Variants in DNAJB8 observed in about 807,000 individuals in gnomAD.
DNAJB8 encodes the protein dnaJ homolog subfamily B member 8.
For missense variants in DNAJB8, 354 were observed against 318.9 expected (o/e 1.11, Z -0.84); for synonymous variants, 127 against 127.1 (o/e 1.00, Z 0.00).
chr3:128,462,695 G>T lies in DNAJB8; in HGVS notation c.551C>A (p.Ser184Ter). The change falls in exon 3 of 3, where the codon TCG becomes TAG. Residue 184 changes from serine to a stop codon, truncating the protein, a stop_gained. Transcript: ENST00000319153. LOFTEE classifies it low-confidence loss of function (END_TRUNC). The part of the protein sequence containing the change: ...SGSSGFKSVM[S>*]STEMINGHKV... ...GTGGCCATTGATCATCTCGGTGGAC[G>T]ACATCACCGACTTGAACCCCGAGCT... 6.2e-7 allele frequency: 1 copy of T among 1,613,684 alleles called. No homozygotes were observed. Among genetic ancestry groups the T allele is most frequent in the African/African-American group, 1.3e-5 (1 of 74,960 alleles).
Position 128,463,521 on chromosome 3 carries a change from G to A in DNAJB8, c.-276C>T. On this transcript the variant is annotated 5_prime_UTR_variant, in exon 3 of 3. Transcript: ENST00000319153. ...AGGCCAGAGTGGGCTGCCCTCCAGAGCTCCTTTTATGACGTCAGCTCCCGG... is the reference window on the plus strand; with the variant it reads ...AGGCCAGAGTGGGCTGCCCTCCAGAACTCCTTTTATGACGTCAGCTCCCGG... 5.8e-6 allele frequency: 2 copies of A among 343,340 alleles called. No individual in the cohort carries two copies. Among genetic ancestry groups the A allele is most frequent in the Non-Finnish European group, 1.1e-5 (2 of 180,230 alleles). The allele number at this position is 343,340 out of a possible 1,614,324, so 21.3% of individuals were successfully genotyped here. A position where few individuals can be genotyped will look rare whatever the true frequency, so the allele number is the denominator to read the frequency against.
chr3:128,463,510 T>G lies in DNAJB8; in HGVS notation c.-265A>C. The G allele has an allele frequency of 2.7e-6, 1 of 369,654 alleles. No individual in the cohort carries two copies. Among genetic ancestry groups the G allele is most frequent in the Non-Finnish European group, 5.1e-6 (1 of 196,500 alleles). The allele number at this position is 369,654 out of a possible 1,614,324, so 22.9% of individuals were successfully genotyped here. On this transcript the variant is annotated 5_prime_UTR_variant, in exon 3 of 3. Transcript: ENST00000319153. ...GCTGTGGGGCCAGGCCAGAGTGGGC[T>G]GCCCTCCAGAGCTCCTTTTATGACG...
Position 128,462,810 on chromosome 3 carries a change from C to T in DNAJB8, c.436G>A (p.Glu146Lys), listed in dbSNP as rs2068476854. The change falls in exon 3 of 3, where the codon GAG (glutamate) becomes AAG (lysine). Residue 146 changes from glutamate to lysine, a missense_variant. Coordinates refer to ENST00000319153, the MANE Select transcript of DNAJB8 (RefSeq NM_153330.6). ...AGFGEFPAFM[E>K]AFSSFNMLGC... ...AGCATGTTGAAGGATGAGAAGGCCT[C>T]CATGAAGGCCGGAAATTCTCCAAAG... is the stretch of plus-strand genomic sequence containing the variant. 2.5e-6 allele frequency: 4 copies of T among 1,614,040 alleles called. No homozygotes were observed. In the African/African-American group the frequency reaches 4.0e-5, roughly 16 times the overall value.
In DNAJB8 at chr3:128,463,207, G is replaced by C. The variant is rs1264128204; in HGVS notation, c.39C>G (p.Ser13Arg). 2 of 1,613,904 alleles carry C rather than the reference G, an allele frequency of 1.2e-6. No homozygotes were observed. The highest frequency in any genetic ancestry group is 1.7e-6 in the Non-Finnish European group (2 of 1,179,958). The change falls in exon 3 of 3, where the codon AGC (serine) becomes AGG (arginine). Residue 13 changes from serine (S) to arginine (R), a missense_variant. By Grantham distance (110) the Ser-to-Arg change is moderately radical. Coordinates refer to ENST00000319153, the MANE Select transcript of DNAJB8 (RefSeq NM_153330.6). ...NYYEVLGVQA[S>R]ASPEDIKKAY... is the part of the protein sequence containing the mutation. ...CTTTCTTGATGTCCTCCGGGGAAGC[G>C]CTGGCCTGCACGCCCAGCACTTCGT...
At position 128,462,867 on chromosome 3, in the gene DNAJB8, C is replaced by T. The variant is rs766457778; in HGVS notation, c.379G>A (p.Gly127Ser). 14 of 1,614,078 alleles carry T rather than the reference C, an allele frequency of 8.7e-6. No homozygotes were observed. The highest frequency in any genetic ancestry group is 1.1e-5 in the Non-Finnish European group (13 of 1,180,036). ...SPFNSDRGGR[G>S]HGLRGAFSAG... ...GAGAAGGCCCCCCTCAGGCCATGGC[C>T]CCGGCCACCACGGTCACTATTGAAT... Residue 127 changes from glycine (G) to serine (S), a missense_variant, in exon 3 of 3, where the codon GGC (glycine) becomes AGC (serine). Physicochemically the swap from Gly to Ser is moderately conservative, Grantham distance 56. Transcript: ENST00000319153.
At position 128,463,978 on chromosome 3, in the gene DNAJB8, TAA is replaced by T. The variant is rs2068492482; in HGVS notation, c.-735_-734del. 6.0e-6 allele frequency: 1 copy of T among 167,040 alleles called. No homozygotes were observed. The highest frequency in any genetic ancestry group is 2.4e-5 in the African/African-American group (1 of 41,428). 10.3% of individuals were successfully genotyped at this position (167,040 alleles called of 1,614,324 possible). On this transcript the variant is annotated 5_prime_UTR_variant, in exon 3 of 3. Coordinates refer to ENST00000319153, the MANE Select transcript of DNAJB8 (RefSeq NM_153330.6). ...GTGGCTGGCACACGAGGGCCGTCGG[TAA>T]ACTCTTGGATGAACCAGGCTCAGAG...
At chr3:128,465,666 G>A (rs1376224926) in intron 1 of DNAJB8, 1 of 152,554 alleles carries the variant, frequency 6.6e-6, no homozygotes, top group East Asian at 1.9e-4. Context: ...TGGTGGAGTT[G>A]ATCATGATGA....
chr3:128,464,046 G>A lies in DNAJB8; in HGVS notation c.-801C>T, dbSNP rs2068493093. The A allele has an allele frequency of 6.0e-6, 1 of 166,560 alleles. No individual in the cohort carries two copies. Among genetic ancestry groups the A allele is most frequent in the Admixed American group, 6.5e-5 (1 of 15,282 alleles). The allele number at this position is 166,560 out of a possible 1,614,324, so 10.3% of individuals were successfully genotyped here. A position where few individuals can be genotyped will look rare whatever the true frequency, so the allele number is the denominator to read the frequency against. Reference sequence around the variant, plus strand: ...GGTCACACAGCGAGTCAGTGAGGGAGGGGATGTGAAACCAGGGCCAAGGCT... The same window carrying A: ...GGTCACACAGCGAGTCAGTGAGGGAAGGGATGTGAAACCAGGGCCAAGGCT... On this transcript the variant is annotated 5_prime_UTR_variant, in exon 3 of 3. Coordinates refer to ENST00000319153, the MANE Select transcript of DNAJB8 (RefSeq NM_153330.6).
In DNAJB8 at chr3:128,463,025, C is replaced by T. The variant is rs748790484; in HGVS notation, c.221G>A (p.Arg74Gln). The change falls in exon 3 of 3, where the codon CGG becomes CAG. Residue 74 changes from arginine (R) to glutamine (Q), a missense_variant. Physicochemically the swap from Arg to Gln is conservative, Grantham distance 43 (BLOSUM62 1). Transcript: ENST00000319153. ...LYDRAGCDSW[R>Q]AGGGASTPYH... Reference sequence around the variant, plus strand: ...GGGCGTGCTGGCCCCGCCACCAGCCCGCCAGCTGTCACAGCCAGCACGGTC... The same window carrying T: ...GGGCGTGCTGGCCCCGCCACCAGCCTGCCAGCTGTCACAGCCAGCACGGTC... 58 of 1,614,052 alleles carry T rather than the reference C, an allele frequency of 3.6e-5. No individual in the cohort carries two copies. The highest frequency in any genetic ancestry group is 3.5e-4 in the Admixed American group (21 of 60,014).
rs897297210 is a variant in DNAJB8, at chr3:128,465,453, A to G, written c.-1026-17T>C. On this transcript the variant is annotated splice_polypyrimidine_tract_variant and intron_variant, in intron 1 of 2. Coordinates refer to ENST00000319153, the MANE Select transcript of DNAJB8 (RefSeq NM_153330.6). ...GGCTTGTTCCTGGGGCGGGAGAAAG[A>G]TGCTTGCCCTGCACAGTTCTCCATG... 6.6e-6 allele frequency: 1 copy of G among 152,326 alleles called. No individual in the cohort carries two copies. The highest frequency in any genetic ancestry group is 2.4e-5 in the African/African-American group (1 of 41,448). 9.4% of individuals were successfully genotyped at this position (152,326 alleles called of 1,614,324 possible).
At position 128,462,743 on chromosome 3, in the gene DNAJB8, G is replaced by C; in HGVS notation, c.503C>G (p.Ser168Cys). The C allele has an allele frequency of 5.6e-6, 9 of 1,614,154 alleles. No homozygotes were observed. The highest frequency in any genetic ancestry group is 7.6e-6 in the Non-Finnish European group (9 of 1,180,036). The stretch of plus-strand genomic sequence containing the variant: ...GCTGCCAGAACTGGAGCCCCCGAAG[G>C]AGGTGGATGAGAAGGTGGTGTGGCT... Reference protein sequence around the residue: ...GGSHTTFSSTSFGGSSSGSSG... With the variant: ...GGSHTTFSSTCFGGSSSGSSG... The change falls in exon 3 of 3, where the codon TCC becomes TGC. Residue 168 changes from serine to cysteine, a missense_variant. By Grantham distance (112) the Ser-to-Cys change is moderately radical (BLOSUM62 -1). Coordinates refer to ENST00000319153, the MANE Select transcript of DNAJB8 (RefSeq NM_153330.6).
rs920613971 is a variant in DNAJB8 at position 128,464,049 on chromosome 3, G to A, written c.-804C>T. The A allele has an allele frequency of 6.0e-6, 1 of 166,446 alleles. No individual in the cohort carries two copies. Among genetic ancestry groups the A allele is most frequent in the Non-Finnish European group, 1.5e-5 (1 of 68,138 alleles). 10.3% of individuals were successfully genotyped at this position (166,446 alleles called of 1,614,324 possible). A position where few individuals can be genotyped will look rare whatever the true frequency, so the allele number is the denominator to read the frequency against. On this transcript the variant is annotated 5_prime_UTR_variant, in exon 3 of 3. Coordinates refer to ENST00000319153, the MANE Select transcript of DNAJB8 (RefSeq NM_153330.6). ...CACACAGCGAGTCAGTGAGGGAGGG[G>A]ATGTGAAACCAGGGCCAAGGCTGCA...
rs1216760033 is a variant in DNAJB8 at position 128,463,740 on chromosome 3, G to C, written c.-495C>G. The C allele has an allele frequency of 5.9e-6, 1 of 168,560 alleles. No individual in the cohort carries two copies. Among genetic ancestry groups the C allele is most frequent in the Admixed American group, 6.4e-5 (1 of 15,522 alleles). 10.4% of individuals were successfully genotyped at this position (168,560 alleles called of 1,614,324 possible). Reference sequence around the variant, plus strand: ...GATTCCAGCCTTGGTGAGTGACAAAGGTCTGTGGCCGTGGTGGGGGAGGCG... The same window carrying C: ...GATTCCAGCCTTGGTGAGTGACAAACGTCTGTGGCCGTGGTGGGGGAGGCG... On this transcript the variant is annotated 5_prime_UTR_variant, in exon 3 of 3. Transcript: ENST00000319153.
At position 128,462,792 on chromosome 3, in the gene DNAJB8, T is replaced by G; in HGVS notation, c.454A>C (p.Asn152His). The change falls in exon 3 of 3, where the codon AAC becomes CAC. Residue 152 changes from asparagine to histidine, a missense_variant. Physicochemically the swap from Asn to His is moderately conservative, Grantham distance 68. Coordinates refer to ENST00000319153, the MANE Select transcript of DNAJB8 (RefSeq NM_153330.6). ...PAFMEAFSSFNMLGCSGGSHT... is the reference protein window; with the variant it reads ...PAFMEAFSSFHMLGCSGGSHT... ...CTGCCCCCGCTGCAGCCCAGCATGT[T>G]GAAGGATGAGAAGGCCTCCATGAAG... 1 of 1,614,056 alleles carries G rather than the reference T, an allele frequency of 6.2e-7. No homozygotes were observed. The highest frequency in any genetic ancestry group is 2.2e-5 in the East Asian group (1 of 44,876).
rs2068473575 is a variant in DNAJB8, at chr3:128,462,593, A to G, written c.653T>C (p.Val218Ala). 6.2e-7 allele frequency: 1 copy of G among 1,612,702 alleles called. No homozygotes were observed. Among genetic ancestry groups the G allele is most frequent in the South Asian group, 1.1e-5 (1 of 91,038 alleles). The change falls in exon 3 of 3, where the codon GTG becomes GCG. Residue 218 changes from valine (V) to alanine (A), a missense_variant. Transcript: ENST00000319153. The stretch of plus-strand genomic sequence containing the variant: ...GAGCTGCTCCTTGCCGTTCACAGTC[A>G]CCGACTTGAGCTGCCCGTCTTCCTC... ...EVEEDGQLKS[V>A]TVNGKEQLKW...
At chr3:128,466,093 T>A (rs1029269939) in intron 1 of DNAJB8, 1 of 152,254 alleles carries the variant, frequency 6.6e-6, no homozygotes, top group African/African-American at 2.4e-5. Flanking sequence ...TGCACACCCC[T>A]CTCTCATGAC....
chr3:128,466,326 CA>C (rs1158282218), intron 1 of DNAJB8: 1 of 152,424 alleles, frequency 6.6e-6, no homozygotes, highest in Non-Finnish European at 1.5e-5. Flanking sequence ...GCCAGATGCT[CA>C]AGATGGGACT....
In DNAJB8 at chr3:128,463,289, TGGGCGCA is replaced by T. The variant is rs751078137; in HGVS notation, c.-51_-45del. On this transcript the variant is annotated 5_prime_UTR_variant, in exon 3 of 3. Coordinates refer to ENST00000319153, the MANE Select transcript of DNAJB8 (RefSeq NM_153330.6). ...GAGGAGAGGGAACGTGGAGGCCAGGTGGGCGCAGGGGCCCAGCTGGTCAGATGGACGG... is the reference window on the plus strand; with the variant it reads ...GAGGAGAGGGAACGTGGAGGCCAGGTGGGGCCCAGCTGGTCAGATGGACGG... 6.4e-7 allele frequency: 1 copy of T among 1,555,042 alleles called. No individual in the cohort carries two copies. Among genetic ancestry groups the T allele is most frequent in the East Asian group, 2.3e-5 (1 of 44,332 alleles).
chr3:128,464,964 C>G (rs796382096), intron 2 of DNAJB8, among the ~76,000 whole-genome samples: 1 of 149,512 alleles, frequency 6.7e-6, no homozygotes, highest in African/African-American at 2.5e-5. Context: ...TCCCTTCCCT[C>G]CCTTCTTCAC....
Sources: gnomAD v4.1 joint callset for allele counts (sites outside exome capture counted in the v4.1 genomes callset) on GRCh38, gnomAD v4.1.1 for gene constraint, MANE v1.5 for transcripts, NCBI Gene and HGNC (gene_info 2026-07-23, HGNC 2026-07-21) for gene names.